PCDHA9: variants seen among roughly 807,000 people sequenced by gnomAD.
The protein encoded by PCDHA9 is protocadherin alpha-9.
A neutral mutation model predicts 62.0 loss-of-function variants in PCDHA9; 62 were observed. The ratio of observed to expected loss-of-function variants is 1.00; its 90% CI spans 0.81 to 1.23. PCDHA9 has a LOEUF of 1.23. Among genes scored for constraint, PCDHA9 ranks in the 50% most tolerant of loss-of-function variants. PCDHA9 has a pLI of 0.00. For synonymous variants in PCDHA9, 557 were observed against 567.6 expected, an observed-to-expected ratio of 0.98 and a Z score of 0.27; for missense variants, 1,205 against 1,249.8, an observed-to-expected ratio of 0.96 and a Z score of 0.54.
At chr5:140,868,764 T>G (rs1202050223) in intron 1 of PCDHA9, 2 of 238,724 alleles carry the variant, frequency 8.4e-6, no homozygotes, top group Non-Finnish European at 1.6e-5. Flanking sequence ...ATATATTTAG[T>G]TTCAATATGA....
At chr5:140,939,011 CT>C (rs1302482579) in intron 1 of PCDHA9, among the ~76,000 whole-genome samples, 3 of 152,262 alleles carry the variant, frequency 2.0e-5, no homozygotes, top group South Asian at 2.1e-4. Flanking sequence ...AGAAGTGTTA[CT>C]TTTCTTTTAC....
At chr5:140,941,202 C>CCTTCCTTTCTTT (rs1554213920) in intron 1 of PCDHA9, among the ~76,000 whole-genome samples, 197 of 122,808 alleles carry the variant, frequency 1.6e-3, no homozygotes, top group Admixed American at 2.9e-3. Flanking sequence ...TTTCTTTCTT[C>CCTTCCTTTCTTT]CTTTCTTTCT....
chr5:140,967,066 C>T (rs782715200), intron 1 of PCDHA9: 4 of 1,612,790 alleles, frequency 2.5e-6, no homozygotes, highest in African/African-American at 1.3e-5. Flanking sequence ...GAGCGCTCTT[C>T]GTCAACGAGC....
At chr5:140,883,390 G>T (rs373348994) in intron 1 of PCDHA9, 4 of 1,614,050 alleles carry the variant, frequency 2.5e-6, no homozygotes, top group East Asian at 4.5e-5. Context: ...TAATCAGTGT[G>T]TCCGATCGTG....
chr5:140,930,338 A>T (rs2086745230), intron 1 of PCDHA9: 1 of 152,214 alleles, frequency 6.6e-6, no homozygotes, highest in African/African-American at 2.4e-5. Flanking sequence ...AATGAAAGTT[A>T]AGTGATTCAA....
At chr5:140,897,227 CA>C (rs1408350956) in intron 1 of PCDHA9, among the ~76,000 whole-genome samples, 2 of 152,036 alleles carry the variant, frequency 1.3e-5, no homozygotes, top group African/African-American at 2.4e-5. Context: ...TACATGTGCA[CA>C]ATGTGCAGGT....
chr5:141,006,765 G>T (rs1299930915), intron 3 of PCDHA9, among the ~76,000 whole-genome samples: 3 of 152,174 alleles, frequency 2.0e-5, no homozygotes, highest in Non-Finnish European at 4.4e-5. Context: ...ATGAAGAATA[G>T]AATAGAGAAA....
At position 140,850,217 on chromosome 5, in the gene PCDHA9, C is replaced by A. The variant is rs2150473800; in HGVS notation, c.1722C>A (p.Asp574Glu). ...ALLTPRMRGT[D>E]GAVSEMVLRS... ...TGACACCTCGGATGAGGGGCACTGA[C>A]GGCGCAGTGAGCGAGATGGTGCTGC... The change falls in exon 1 of 4, where the codon GAC becomes GAA. Residue 574 changes from aspartate to glutamate, a missense_variant. Asp to Glu is a conservative substitution (Grantham distance 45). Coordinates refer to ENST00000532602, the MANE Select transcript of PCDHA9 (RefSeq NM_031857.2). 2 of 1,593,480 alleles carry A rather than the reference C, an allele frequency of 1.3e-6. No individual in the cohort carries two copies. Among genetic ancestry groups the A allele is most frequent in the African/African-American group, 1.3e-5 (1 of 74,278 alleles).
intron 1 of PCDHA9, chr5:140,877,996 AT>A (rs1305761926): frequency 2.6e-5 from 27 of 1,037,884 alleles, no homozygotes; most frequent in Non-Finnish European, 3.2e-5. Flanking sequence ...ACTTTTATGT[AT>A]TTGTCTAACA....
At chr5:140,867,267 A>G (rs2049851956) in intron 1 of PCDHA9, 1 of 152,078 alleles carries the variant, frequency 6.6e-6, no homozygotes, top group African/African-American at 2.4e-5. Flanking sequence ...TTTTGTTCAA[A>G]ATAAACCTGA....
chr5:140,870,589 C>A (rs1445004841), intron 1 of PCDHA9: 30 of 1,613,510 alleles, frequency 1.9e-5, no homozygotes, highest in Non-Finnish European at 2.5e-5. Context: ...GCTGGTGGAG[C>A]GGCGGTTGGG....
rs1237282908 is a variant in PCDHA9, at chr5:140,877,400, C to T, written c.2394+26511C>T. ...CGCATCCTGGATGAGGCGGACGCTC[C>T]GCGCCACCGCCTGCTGGTGCTGGTG... On this transcript the variant is annotated intron_variant, in intron 1 of 3. Coordinates refer to ENST00000532602, the MANE Select transcript of PCDHA9 (RefSeq NM_031857.2). The T allele has an allele frequency of 7.4e-6, 12 of 1,613,804 alleles. No homozygotes were observed. The Admixed American group carries it at 1.8e-4, about 25-fold the overall frequency.
At chr5:140,913,969 AT>A (rs1304513966) in intron 1 of PCDHA9, among the ~76,000 whole-genome samples, 3 of 152,098 alleles carry the variant, frequency 2.0e-5, no homozygotes, top group Admixed American at 2.0e-4. Context: ...TTAAAAAAAT[AT>A]TTTAGGACTT....
At chr5:140,961,252 C>T (rs1185090498) in intron 1 of PCDHA9, among the ~76,000 whole-genome samples, 1 of 152,158 alleles carries the variant, frequency 6.6e-6, no homozygotes, top group African/African-American at 2.4e-5. Context: ...TTATCCGAAG[C>T]TCCAGGAAGC....
intron 1 of PCDHA9, among the ~76,000 whole-genome samples, chr5:140,887,198 G>A (rs1276345927): frequency 2.6e-5 from 4 of 151,490 alleles, no homozygotes; most frequent in Admixed American, 2.6e-4. Flanking sequence ...CCGGGTTCAC[G>A]CCATTCTCCT....
chr5:140,997,018 A>AT (rs1162959481), intron 3 of PCDHA9, among the ~76,000 whole-genome samples: 3 of 151,882 alleles, frequency 2.0e-5, no homozygotes, highest in Admixed American at 1.3e-4. Flanking sequence ...ATCCTCCAAT[A>AT]TTTTTTTGAA....
rs994045696 is a variant in PCDHA9 at position 140,859,234 on chromosome 5, T to G, written c.2394+8345T>G. 5 of 142,110 alleles carry G rather than the reference T, an allele frequency of 3.5e-5. 2 individuals carry two copies. The highest frequency in any genetic ancestry group is 8.0e-5 in the Non-Finnish European group (5 of 62,814). The allele number at this position is 142,110 out of a possible 1,614,324, so 8.8% of individuals were successfully genotyped here. A position where few individuals can be genotyped will look rare whatever the true frequency, so the allele number is the denominator to read the frequency against. ...CTCTTTCACTTTAAGGAAGGAGTCA[T>G]GCTTATGTTTAATAATGAAGAGAAT... On this transcript the variant is annotated intron_variant, in intron 1 of 3. Transcript: ENST00000532602.
At chr5:140,942,418 A>G (rs1554214971) in intron 1 of PCDHA9, among the ~76,000 whole-genome samples, 2 of 152,146 alleles carry the variant, frequency 1.3e-5, no homozygotes, top group South Asian at 2.1e-4. Flanking sequence ...TTAAAAAAAA[A>G]AAAGATATCT....
intron 1 of PCDHA9, chr5:140,858,270 G>A (rs1554151358): frequency 6.3e-7 from 1 of 1,597,416 alleles, no homozygotes; most frequent in South Asian, 1.1e-5. Flanking sequence ...GTGTGCTCTA[G>A]CGCGGTGGGG....
Sources: allele counts gnomAD v4.1 joint callset (sites outside exome capture counted in the v4.1 genomes callset), GRCh38; gene constraint gnomAD v4.1.1; transcripts MANE v1.5; gene names NCBI Gene and HGNC (gene_info 2026-07-23, HGNC 2026-07-21).